The following CD36 variants were observed in gnomAD, a reference collection of about 807,000 sequenced individuals.
CD36 encodes CD36 molecule (CD36 blood group), also known as platelet glycoprotein 4.
In CD36, 119 loss-of-function variants were observed where a neutral mutation model predicts 55.2. The ratio of observed to expected loss-of-function variants is 2.15; its 90% confidence interval spans 1.86 to 2.51. The LOEUF is 2.51. Among genes scored for constraint, CD36 ranks in the 30% most tolerant of loss-of-function variants. The pLI, the probability that CD36 is intolerant of heterozygous loss-of-function variation, is 0.00. For missense variants in CD36, 819 were observed against 555.5 expected (o/e 1.47, Z -4.77); for synonymous variants, 186 against 193.6 (o/e 0.96, Z 0.33).
chr7:80,669,657 A>G (rs1044824610), intron 8 of CD36, among the ~76,000 whole-genome samples: 14 of 152,054 alleles, frequency 9.2e-5, no homozygotes, highest in African/African-American at 3.1e-4. Context: ...CACCACACCC[A>G]GCTAATTTTG....
chr7:80,628,401 A>G (rs1413404665), intron 1 of CD36, among the ~76,000 whole-genome samples: 1 of 152,060 alleles, frequency 6.6e-6, no homozygotes, highest in South Asian at 2.1e-4. Flanking sequence ...GTGGAACACT[A>G]AAATATTCTA....
At chr7:80,627,753 T>C (rs554052239) in intron 1 of CD36, among the ~76,000 whole-genome samples, 3 of 152,226 alleles carry the variant, frequency 2.0e-5, no homozygotes, top group Admixed American at 6.6e-5. Context: ...TTTTAATACA[T>C]TTTACAAAAC....
chr7:80,628,137 A>G (rs1298664464), intron 1 of CD36, among the ~76,000 whole-genome samples: 2 of 152,060 alleles, frequency 1.3e-5, no homozygotes, highest in African/African-American at 4.8e-5. Context: ...CTACAAAAGT[A>G]TTTAACATAT....
At chr7:80,642,270 G>C (rs987427849) in intron 1 of CD36, among the ~76,000 whole-genome samples, 1 of 152,046 alleles carries the variant, frequency 6.6e-6, no homozygotes, top group Non-Finnish European at 1.5e-5. Context: ...GTAACAATTA[G>C]TAAAGAATAA....
chr7:80,621,334 G>A (rs901349201), intron 1 of CD36, among the ~76,000 whole-genome samples: 2 of 152,180 alleles, frequency 1.3e-5, no homozygotes, highest in Non-Finnish European at 2.9e-5. Context: ...AGTATCTGCA[G>A]AGGATGCCTA....
chr7:80,652,276 TTTTC>T (rs1795686692), intron 3 of CD36, among the ~76,000 whole-genome samples: 1 of 152,210 alleles, frequency 6.6e-6, no homozygotes, highest in African/African-American at 2.4e-5. Flanking sequence ...CATAGTTTAC[TTTTC>T]ATGCCAAACA....
At position 80,674,131 on chromosome 7, in the gene CD36, C is replaced by G. The variant is rs766072001; in HGVS notation, c.1403C>G (p.Ser468Trp). The G allele has an allele frequency of 3.7e-6, 6 of 1,610,338 alleles. No homozygotes were observed. Among genetic ancestry groups the G allele is most frequent in the African/African-American group, 1.3e-5 (1 of 74,788 alleles). Residue 468 changes from serine to tryptophan, a missense_variant, in exon 14 of 15, where the codon TCG (serine) becomes TGG (tryptophan). Coordinates refer to ENST00000447544, the MANE Select transcript of CD36 (RefSeq NM_001001548.3). The stretch of plus-strand genomic sequence containing the variant: ...ATGATTTCATATTGTGCATGCAGAT[C>G]GAAAACAATAAAATAAGTAAGTATG... The part of the protein sequence containing the change: ...AFMISYCACR[S>W]KTIK
rs3211867 is a variant in CD36 at position 80,657,624 on chromosome 7, C to A, written c.281+924C>A. ...TGGTAGCTCCTAGATTTTTGTATACCTTTTCTTCCATTTCAATTATAGACA... is the reference window on the plus strand; with the variant it reads ...TGGTAGCTCCTAGATTTTTGTATACATTTTCTTCCATTTCAATTATAGACA... On this transcript the variant is annotated intron_variant, in intron 4 of 14. Transcript: ENST00000447544. Among the ~76,000 whole-genome samples, 22,098 of 151,946 alleles carry A rather than the reference C, an allele frequency of 0.15. 2,362 individuals are homozygous for A. Among genetic ancestry groups the A allele is most frequent in the East Asian group, 0.32 (1,625 of 5,132 alleles).
chr7:80,665,570 A>AT lies in CD36; in HGVS notation c.702-867dup, dbSNP rs570132472. 2.7e-3 allele frequency among the ~76,000 whole-genome samples: 415 copies of AT among 152,182 alleles called. 1 individual carries two copies. The highest frequency in any genetic ancestry group is 8.5e-3 in the African/African-American group (353 of 41,550). ...ATTCACTTAAAAGGAAATCACAGCA[A>AT]TTTTTTATATTGAGAAATAACGAGC... On this transcript the variant is annotated intron_variant, in intron 7 of 14. Transcript: ENST00000447544.
intron 1 of CD36, among the ~76,000 whole-genome samples, chr7:80,619,948 T>C (rs1793369394): frequency 6.6e-6 from 1 of 152,178 alleles, no homozygotes; most frequent in African/African-American, 2.4e-5. Flanking sequence ...TGTGACTGCA[T>C]TGGTGCAATC....
Position 80,672,793 on chromosome 7 carries a change from TG to T in CD36, c.1150del (p.Ala384GlnfsTer19), listed in dbSNP as rs551607784. 2.3e-4 allele frequency: 375 copies of T among 1,610,528 alleles called. 1 individual carries two copies. In the African/African-American group the frequency reaches 4.6e-3, roughly 20 times the overall value. ...EPITGFTLQFAKRLQVNLLVK... is the reference protein window; with the variant it reads ...EPITGFTLQFXKRLQVNLLVK... ...AGATAACTGGATTCACTTTACAATT[TG>T]CAAAACGGCTGCAGGTCAACCTATT... On this transcript the variant is annotated frameshift_variant, in exon 12 of 15. Coordinates refer to ENST00000447544, the MANE Select transcript of CD36 (RefSeq NM_001001548.3). LOFTEE classifies it high-confidence loss of function.
chr7:80,628,947 C>T (rs1793906907), intron 1 of CD36, among the ~76,000 whole-genome samples: 1 of 151,974 alleles, frequency 6.6e-6, no homozygotes, highest in Admixed American at 6.6e-5. Flanking sequence ...CCAAAGAAGG[C>T]AATCAGATAA....
At chr7:80,641,850 A>T (rs1794837237) in intron 1 of CD36, among the ~76,000 whole-genome samples, 1 of 152,046 alleles carries the variant, frequency 6.6e-6, no homozygotes, top group African/African-American at 2.4e-5. Flanking sequence ...GGCTTTGCAA[A>T]AAGCTTAGTC....
chr7:80,662,281 C>G (rs1357348911), intron 5 of CD36: 1 of 153,256 alleles, frequency 6.5e-6, no homozygotes. Context: ...AAAGAAGTTT[C>G]TTTTCCTAAA....
chr7:80,670,147 T>A, intron 9 of CD36, 125 bp downstream of exon 9: 1 of 706,138 alleles, frequency 1.4e-6, no homozygotes, highest in Non-Finnish European at 2.5e-6. Context: ...TGCAAAATGT[T>A]CTTCTGCATC....
In CD36 at chr7:80,674,003, G is replaced by A. The variant is rs754417933; in HGVS notation, c.1275G>A (p.Glu425=). 1 of 1,612,040 alleles carries A rather than the reference G, an allele frequency of 6.2e-7. No homozygotes were observed. Among genetic ancestry groups the A allele is most frequent in the Admixed American group, 1.7e-5 (1 of 59,904 alleles). Residue 425 remains glutamate (E), a synonymous_variant, in exon 14 of 15, where the codon GAG becomes GAA. Coordinates refer to ENST00000447544, the MANE Select transcript of CD36 (RefSeq NM_001001548.3). ...WLNETGTIGD[E]KANMFRSQVT... ...TACAGACTGGGACCATTGGTGATGA[G>A]AAGGCAAACATGTTCAGAAGTCAAG...
At position 80,656,098 on chromosome 7, in the gene CD36, C is replaced by T. The variant is rs368863201; in HGVS notation, c.121-442C>T. ...CTCTTGAAGGAAAAGAAAAAGCTTC[C>T]AATACCATTAGATTTTTCACTCAGT... On this transcript the variant is annotated intron_variant, in intron 3 of 14. Coordinates refer to ENST00000447544, the MANE Select transcript of CD36 (RefSeq NM_001001548.3). Among the ~76,000 whole-genome samples the T allele has an allele frequency of 6.2e-4, 95 of 152,152 alleles. 4 individuals carry two copies. The South Asian group carries it at 0.019, about 31-fold the overall frequency.
chr7:80,628,149 C>T (rs1172398193), intron 1 of CD36, among the ~76,000 whole-genome samples: 1 of 151,940 alleles, frequency 6.6e-6, no homozygotes, highest in Non-Finnish European at 1.5e-5. Flanking sequence ...TTAACATATA[C>T]ATGCATTTCT....
intron 1 of CD36, among the ~76,000 whole-genome samples, chr7:80,605,844 A>G (rs1249785566): frequency 6.6e-6 from 1 of 152,188 alleles, no homozygotes; most frequent in Admixed American, 6.5e-5. Context: ...ACATCTAAGC[A>G]GATGCATAGA....
Sources: allele counts gnomAD v4.1 joint callset (sites outside exome capture counted in the v4.1 genomes callset), GRCh38; gene constraint gnomAD v4.1.1; transcripts MANE v1.5; gene names NCBI Gene and HGNC (gene_info 2026-07-23, HGNC 2026-07-21).